ITFG2: variants seen among roughly 807,000 people sequenced by gnomAD.
The protein encoded by ITFG2 is integrin alpha FG-GAP repeat containing 2.
A neutral mutation model predicts 54.4 loss-of-function variants in ITFG2; 36 were observed. The ratio of observed to expected loss-of-function variants is 0.66; its 90% CI spans 0.51 to 0.87. The LOEUF is 0.87. Ranked by LOEUF, ITFG2 falls within the 40% of genes least tolerant of loss-of-function variation. The pLI, the probability that ITFG2 is intolerant of heterozygous loss-of-function variation, is 0.00. For synonymous variants in ITFG2, 211 were observed against 225.4 expected (o/e 0.94, Z 0.57); for missense variants, 524 against 576.7 (o/e 0.91, Z 0.94).
chr12:2,830,033 TGCCACTGCACTCCA>T, downstream of ITFG2, among the ~76,000 whole-genome samples: 1 of 151,622 alleles, frequency 6.6e-6, no homozygotes, highest in South Asian at 2.1e-4. Context: ...CACAAGATCA[TGCCACTGCACTCCA>T]GCCTGGGTGA....
intron 2 of ITFG2, among the ~76,000 whole-genome samples, chr12:2,844,231 G>A (rs11062379): frequency 1.1e-4 from 17 of 151,754 alleles, no homozygotes; most frequent in Admixed American, 9.2e-4. Flanking sequence ...ACACTCCAGC[G>A]TGGGTGAGAG....
chr12:2,849,338 G>A lies in ITFG2; in HGVS notation n.300+8343G>A, dbSNP rs1021573000. On this transcript the variant is annotated intron_variant and non_coding_transcript_variant, in intron 2 of 3. Coordinates refer to the ITFG2 transcript ENST00000537710. ...GCAGTTCTGTCCTTTATCAGGGTTT[G>A]GAAATCCCTTATGAGGTCCTGGCTC... is the stretch of plus-strand genomic sequence containing the variant. 5.9e-6 allele frequency: 9 copies of A among 1,536,176 alleles called. No individual in the cohort carries two copies. In the Admixed American group the frequency reaches 9.8e-5, roughly 17 times the overall value.
In ITFG2 at chr12:2,855,909, T is replaced by G. The variant is rs377070143; in HGVS notation, n.301-2103T>G. ...TATACCAGGAAAGTCCTCCAGAAAATAGGGCCAGGGGTTTTCCCATCCCAG... is the reference window on the plus strand; with the variant it reads ...TATACCAGGAAAGTCCTCCAGAAAAGAGGGCCAGGGGTTTTCCCATCCCAG... On this transcript the variant is annotated intron_variant and non_coding_transcript_variant, in intron 2 of 3. Transcript: ENST00000537710. 5.3e-5 allele frequency among the ~76,000 whole-genome samples: 8 copies of G among 152,056 alleles called. No homozygotes were observed. The East Asian group carries it at 9.7e-4, about 18-fold the overall frequency.
chr12:2,839,991 C>G (rs2098037152), intron 1 of ITFG2, among the ~76,000 whole-genome samples: 1 of 151,994 alleles, frequency 6.6e-6, no homozygotes, highest in South Asian at 2.1e-4. Flanking sequence ...TGAAGAACTT[C>G]CTGTTGGGTA....
chr12:2,831,009 A>G, downstream of ITFG2: 1 of 679,092 alleles, frequency 1.5e-6, no homozygotes, highest in South Asian at 2.1e-5. Context: ...GTCCCAGATA[A>G]TGAGAGCAGA....
At chr12:2,827,021 G>A (rs2097970563), downstream of ITFG2, 2 of 1,430,622 alleles carry the variant, frequency 1.4e-6, no homozygotes, top group Non-Finnish European at 1.8e-6. The surrounding 1 kb of genome is among the most constrained non-coding windows in gnomAD (Gnocchi z 4.0). Context: ...CTGGGGAGTA[G>A]GACAGCTGCT....
chr12:2,816,749 C>G (rs1277498312), intron 1 of ITFG2, among the ~76,000 whole-genome samples: 2 of 150,502 alleles, frequency 1.3e-5, no homozygotes, highest in African/African-American at 2.4e-5. Context: ...TCAAGCAATT[C>G]TCCTGCCTCG....
rs576751849 is a variant in ITFG2 at position 2,855,472 on chromosome 12, G to A, written n.301-2540G>A. The A allele has an allele frequency of 3.1e-5, 44 of 1,402,410 alleles. No individual in the cohort carries two copies. In the East Asian group the frequency reaches 1.1e-3, roughly 34 times the overall value. The allele number at this position is 1,402,410 out of a possible 1,614,324, so 86.9% of individuals were successfully genotyped here. A position where few individuals can be genotyped will look rare whatever the true frequency, so the allele number is the denominator to read the frequency against. On this transcript the variant is annotated intron_variant and non_coding_transcript_variant, in intron 2 of 3. Coordinates refer to the ITFG2 transcript ENST00000537710. ...CTAGGGAGAGACAAAAGGGAGCCTG[G>A]GGAAGGTTGTGCAGACAGGGGTGCA...
intron 2 of ITFG2, chr12:2,849,289 T>C (rs1238279553): frequency 6.5e-7 from 1 of 1,536,110 alleles, no homozygotes; most frequent in South Asian, 1.2e-5. Context: ...TGCTTGTGCC[T>C]TGGAGAGATG....
chr12:2,822,016 C>G (rs906151215), intron 9 of ITFG2, among the ~76,000 whole-genome samples: 2 of 137,066 alleles, frequency 1.5e-5, no homozygotes, highest in East Asian at 4.0e-4. Context: ...GCAACCTTTT[C>G]TGCTAGACTG....
At chr12:2,828,415 CT>C, downstream of ITFG2, 1 of 1,613,426 alleles carries the variant, frequency 6.2e-7, no homozygotes, top group South Asian at 1.1e-5. Context: ...GGTCCTGGCA[CT>C]AAGAAAGAAG....
Position 2,812,855 on chromosome 12 carries a change from C to T in ITFG2, c.95C>T (p.Thr32Met), listed in dbSNP as rs1478020512. The change falls in exon 1 of 12, where the codon ACG (threonine) becomes ATG (methionine). Residue 32 changes from threonine (T) to methionine (M), a missense_variant and splice_region_variant. Transcript: ENST00000228799. ...TGCCTCGGAGACGTTGATAACGATA[C>T]GGTAGGTGCATGCGCACCGCAAGAG... ...AICLGDVDND[T>M]LNELVVGDTS... The T allele has an allele frequency of 3.1e-6, 5 of 1,609,230 alleles. No individual in the cohort carries two copies. The highest frequency in any genetic ancestry group is 2.2e-5 in the East Asian group (1 of 44,750).
intron 2 of ITFG2, among the ~76,000 whole-genome samples, chr12:2,844,314 G>A (rs1205620384): frequency 2.0e-5 from 3 of 152,148 alleles, no homozygotes; most frequent in African/African-American, 7.2e-5. Context: ...AGCACTTTGG[G>A]AGGCTGAGGT....
chr12:2,859,180 G>C, intron 3 of ITFG2: 1 of 1,609,924 alleles, frequency 6.2e-7, no homozygotes, highest in Non-Finnish European at 8.5e-7. Context: ...TGGGAGGCAG[G>C]GTCAGAGGAG....
chr12:2,853,515 T>C (rs1010832275), intron 2 of ITFG2, among the ~76,000 whole-genome samples: 1 of 152,068 alleles, frequency 6.6e-6, no homozygotes, highest in Non-Finnish European at 1.5e-5. Context: ...TCAGGCGATC[T>C]GCCTGCCTTG....
chr12:2,818,332 G>A lies in ITFG2; in HGVS notation c.406+55G>A. On this transcript the variant is annotated intron_variant, in intron 4 of 11. Transcript: ENST00000228799. ...GGAGAGTAGGAGTCAGTGGATACTA[G>A]AGCATATCCCAAGGGATTGGGGTGA... 1.9e-6 allele frequency: 3 copies of A among 1,600,624 alleles called. No homozygotes were observed. In the South Asian group the frequency reaches 3.3e-5, roughly 18 times the overall value.
intron 2 of ITFG2, among the ~76,000 whole-genome samples, chr12:2,846,098 C>T (rs529888713): frequency 2.0e-5 from 3 of 152,202 alleles, no homozygotes; most frequent in South Asian, 2.1e-4. Context: ...AGCTAGGGGG[C>T]GCCAGAAGCC....
chr12:2,852,726 C>T (rs765927481), intron 2 of ITFG2, among the ~76,000 whole-genome samples: 6 of 151,640 alleles, frequency 4.0e-5, no homozygotes, highest in Non-Finnish European at 5.9e-5. Flanking sequence ...TTAATGAGGC[C>T]GGGCACGGTG....
chr12:2,831,783 G>T (rs1430821460), downstream of ITFG2, among the ~76,000 whole-genome samples: 1 of 151,640 alleles, frequency 6.6e-6, no homozygotes, highest in Non-Finnish European at 1.5e-5. Context: ...TTTCTTTCAA[G>T]ATGGGATCTT....
Sources: allele counts gnomAD v4.1 joint callset (sites outside exome capture counted in the v4.1 genomes callset), GRCh38; gene constraint gnomAD v4.1.1; non-coding constraint Gnocchi (gnomAD v3.1); transcripts MANE v1.5; gene names NCBI Gene and HGNC (gene_info 2026-07-23, HGNC 2026-07-21).